The following CUBN variants were observed in gnomAD, a reference collection of about 807,000 sequenced individuals.
The protein encoded by CUBN is cubilin, also known as 460 kDa receptor.
In CUBN, 282 loss-of-function variants were observed where a neutral mutation model predicts 405.3. The observed-to-expected ratio is 0.70, with a 90% CI of 0.63 to 0.77. CUBN has a LOEUF of 0.77. CUBN is among the 30% of genes least tolerant of loss of function. The pLI is 0.00. For missense variants in CUBN, 4,514 were observed against 4,475.2 expected, an observed-to-expected ratio of 1.01 and a Z score of -0.25; for synonymous variants, 1,684 against 1,617.0, an observed-to-expected ratio of 1.04 and a Z score of -0.99.
Position 16,918,887 on chromosome 10 carries a change from T to A in CUBN, c.6822-87A>T, listed in dbSNP as rs1016711789. 4.2e-6 allele frequency: 5 copies of A among 1,187,822 alleles called. No homozygotes were observed. In the African/African-American group the frequency reaches 4.5e-5, roughly 11 times the overall value. 73.6% of individuals were successfully genotyped at this position (1,187,822 alleles called of 1,614,324 possible). A position where few individuals can be genotyped will look rare whatever the true frequency, so the allele number is the denominator to read the frequency against. ...ACCTTACTTACTTTCTTTGAAGATATTATTAAATCATCATTTCTTAGCATA... is the reference window on the plus strand; with the variant it reads ...ACCTTACTTACTTTCTTTGAAGATAATATTAAATCATCATTTCTTAGCATA... On this transcript the variant is annotated intron_variant, in intron 44 of 66. Coordinates refer to ENST00000377833, the MANE Select transcript of CUBN (RefSeq NM_001081.4).
intron 39 of CUBN, among the ~76,000 whole-genome samples, chr10:16,934,732 T>C (rs1302754879): frequency 1.3e-5 from 2 of 152,226 alleles, no homozygotes; most frequent in Non-Finnish European, 2.9e-5. Context: ...AGGCATGTGT[T>C]ACTTTACAGT....
chr10:17,083,839 C>T (rs1349878280), intron 17 of CUBN, among the ~76,000 whole-genome samples: 3 of 152,052 alleles, frequency 2.0e-5, no homozygotes, highest in Non-Finnish European at 4.4e-5. Flanking sequence ...ACAAAAACAG[C>T]CTGTCTCTGT....
chr10:16,937,892 A>C, intron 38 of CUBN, 108 bp from the exon 39 acceptor site: 1 of 950,930 alleles, frequency 1.1e-6, no homozygotes, highest in Non-Finnish European at 1.6e-6. Context: ...CATAACAAAA[A>C]AATGACAAAT....
chr10:17,103,654 G>T (rs1836551629), intron 12 of CUBN, among the ~76,000 whole-genome samples: 1 of 152,068 alleles, frequency 6.6e-6, no homozygotes, highest in African/African-American at 2.4e-5. Context: ...TTTTCCATAG[G>T]GTCTACTATT....
At chr10:16,997,425 C>T (rs1269539348) in intron 28 of CUBN, among the ~76,000 whole-genome samples, 1 of 131,200 alleles carries the variant, frequency 7.6e-6, no homozygotes, top group Non-Finnish European at 1.6e-5. Flanking sequence ...CAGAGTGAGA[C>T]TCCATCTAAA....
chr10:17,095,738 G>C (rs1218981118), intron 14 of CUBN, among the ~76,000 whole-genome samples: 1 of 152,018 alleles, frequency 6.6e-6, no homozygotes, highest in African/African-American at 2.4e-5. Flanking sequence ...TCTCACTTCT[G>C]GTTATATATC....
Position 17,030,716 on chromosome 10 carries a change from C to A in CUBN, c.4017+10317G>T, listed in dbSNP as rs551891152. Among the ~76,000 whole-genome samples, 3 of 150,918 alleles carry A rather than the reference C, an allele frequency of 2.0e-5. No homozygotes were observed. In the East Asian group the frequency reaches 5.9e-4, roughly 30 times the overall value. On this transcript the variant is annotated intron_variant, in intron 27 of 66. Transcript: ENST00000377833. ...TGTGGATCACCTGAGGTCGGCAGTT[C>A]GAGACCAGCCTGACCAACATGGTGA... is the stretch of plus-strand genomic sequence containing the variant.
At chr10:16,929,828 A>G (rs1842314016) in intron 40 of CUBN, among the ~76,000 whole-genome samples, 1 of 152,190 alleles carries the variant, frequency 6.6e-6, no homozygotes, top group Admixed American at 6.5e-5. Context: ...ATATGTTATT[A>G]GTTCACGTGT....
At chr10:17,061,906 G>A (rs1214074613) in intron 22 of CUBN, among the ~76,000 whole-genome samples, 1 of 152,150 alleles carries the variant, frequency 6.6e-6, no homozygotes, top group Non-Finnish European at 1.5e-5. Context: ...GGACTCAGTT[G>A]TTTAGTCTGA....
At chr10:17,025,347 C>T (rs937012863) in intron 27 of CUBN, among the ~76,000 whole-genome samples, 1 of 152,146 alleles carries the variant, frequency 6.6e-6, no homozygotes, top group African/African-American at 2.4e-5. Context: ...ATGTACTTGA[C>T]TAATGTCAAT....
chr10:17,126,288 A>G (rs1233534652), intron 4 of CUBN, among the ~76,000 whole-genome samples: 1 of 152,248 alleles, frequency 6.6e-6, no homozygotes, highest in African/African-American at 2.4e-5. Context: ...ACAGTTATAC[A>G]ATGTTTTCTG....
intron 55 of CUBN, among the ~76,000 whole-genome samples, chr10:16,889,942 A>AAAAAAAAAAAAAAAAAAAAAAAAAAC (rs1554788548): frequency 7.3e-6 from 1 of 136,220 alleles, no homozygotes; most frequent in African/African-American, 2.9e-5. Flanking sequence ...TGTCAAAAAA[A>AAAAAAAAAAAAAAAAAAAAAAAAAAC]AAAAAAAAAA....
At chr10:16,959,697 A>T (rs1219539502) in intron 31 of CUBN, among the ~76,000 whole-genome samples, 1 of 152,102 alleles carries the variant, frequency 6.6e-6, no homozygotes, top group Non-Finnish European at 1.5e-5. Flanking sequence ...CAAGAAAAGC[A>T]CTTCAAGGAA....
At chr10:17,091,445 T>C (rs1376605119) in intron 14 of CUBN, among the ~76,000 whole-genome samples, 2 of 152,172 alleles carry the variant, frequency 1.3e-5, no homozygotes, top group Non-Finnish European at 2.9e-5. Context: ...TATCCTACCT[T>C]TCCTACATGA....
Position 16,915,022 on chromosome 10 carries a change from A to G in CUBN, c.7351+10T>C, listed in dbSNP as rs748153913. The G allele has an allele frequency of 1.9e-6, 3 of 1,613,058 alleles. No homozygotes were observed. The highest frequency in any genetic ancestry group is 1.3e-5 in the African/African-American group (1 of 75,034). On this transcript the variant is annotated intron_variant, in intron 47 of 66. Coordinates refer to ENST00000377833, the MANE Select transcript of CUBN (RefSeq NM_001081.4). ...GCTCAATGTTGTGTTGAATGAATCA[A>G]TGAACTCACCTTCCATACTGGATTC... is the stretch of plus-strand genomic sequence containing the variant.
intron 55 of CUBN, 64 bp downstream of exon 55, chr10:16,890,307 C>T (rs1840965138): frequency 6.4e-7 from 1 of 1,574,208 alleles, no homozygotes; most frequent in Non-Finnish European, 8.7e-7. Context: ...TTAGCCAACC[C>T]TGCCTGCCTG....
At chr10:17,119,582 C>T (rs1164662901) in intron 6 of CUBN, among the ~76,000 whole-genome samples, 1 of 152,126 alleles carries the variant, frequency 6.6e-6, no homozygotes, top group Admixed American at 6.5e-5. Flanking sequence ...ATTGCTTGTA[C>T]CCAGGATGCA....
At chr10:17,043,471 TATTAGTC>T (rs1251313051) in intron 26 of CUBN, among the ~76,000 whole-genome samples, 1 of 152,218 alleles carries the variant, frequency 6.6e-6, no homozygotes, top group Non-Finnish European at 1.5e-5. Context: ...AATGAAAAGC[TATTAGTC>T]ATTAGTCTGG....
chr10:16,991,222 C>G (rs1833577844), intron 28 of CUBN, among the ~76,000 whole-genome samples: 1 of 152,196 alleles, frequency 6.6e-6, no homozygotes, highest in Non-Finnish European at 1.5e-5. Flanking sequence ...TAGAATAATG[C>G]CACCTTTCAT....
Sources: gnomAD v4.1 joint callset for allele counts (sites outside exome capture counted in the v4.1 genomes callset) on GRCh38, gnomAD v4.1.1 for gene constraint, MANE v1.5 for transcripts, NCBI Gene and HGNC (gene_info 2026-07-23, HGNC 2026-07-21) for gene names.